Variants in SLC9B1 observed in about 807,000 individuals in gnomAD.
SLC9B1 encodes the protein sodium/hydrogen exchanger 9B1.
SLC9B1 carries 32 observed loss-of-function variants against 51.7 expected under a neutral mutation model. That is an observed-to-expected ratio of 0.62 (90% CI 0.47 to 0.83). The LOEUF is 0.83. SLC9B1 is among the 40% of genes least tolerant of loss of function. SLC9B1 has a pLI of 0.00. For missense variants in SLC9B1, 406 were observed against 613.2 expected (o/e 0.66, Z 3.57); for synonymous variants, 145 against 212.7 (o/e 0.68, Z 2.77).
In SLC9B1 at chr4:102,887,701, G is replaced by A. The variant is rs560567283; in HGVS notation, c.1333-2373C>T. 9.4e-3 allele frequency: 2,593 copies of A among 275,696 alleles called. 5 individuals are homozygous for A. Among genetic ancestry groups the A allele is most frequent in the African/African-American group, 0.049 (2,194 of 45,066 alleles). The allele number at this position is 275,696 out of a possible 1,614,324, so 17.1% of individuals were successfully genotyped here. A position where few individuals can be genotyped will look rare whatever the true frequency, so the allele number is the denominator to read the frequency against. ...CCTAAATTGTGGCTATGGATCCAAAGCTGTTTGTTTCTTTGAATATCAATA... is the reference window on the plus strand; with the variant it reads ...CCTAAATTGTGGCTATGGATCCAAAACTGTTTGTTTCTTTGAATATCAATA... On this transcript the variant is annotated intron_variant, in intron 11 of 11. Coordinates refer to the SLC9B1 transcript ENST00000394789.
At chr4:102,945,896 A>T (rs1177860664) in intron 5 of SLC9B1, among the ~76,000 whole-genome samples, 1 of 151,978 alleles carries the variant, frequency 6.6e-6, no homozygotes, top group African/African-American at 2.4e-5. Flanking sequence ...ATGAATAGTC[A>T]TCTTCTTATA....
chr4:103,005,678 A>G (rs28808638), intron 1 of SLC9B1, among the ~76,000 whole-genome samples: 16,956 of 152,178 alleles, frequency 0.11, 1,030 homozygotes, highest in Admixed American at 0.16. Flanking sequence ...CACATGGCAC[A>G]TACTGTAAAT....
At chr4:102,939,454 C>T (rs973965489) in intron 6 of SLC9B1, among the ~76,000 whole-genome samples, 17 of 139,142 alleles carry the variant, frequency 1.2e-4, no homozygotes, top group African/African-American at 3.8e-4. Context: ...AACAGATTCA[C>T]AGACAAATTC....
At chr4:102,894,136 C>A (rs1478482533) in intron 11 of SLC9B1, among the ~76,000 whole-genome samples, 1 of 152,094 alleles carries the variant, frequency 6.6e-6, no homozygotes, top group African/African-American at 2.4e-5. Context: ...TCAATAAATG[C>A]TGAGAGGGCT....
intron 1 of SLC9B1, chr4:103,016,666 G>C (rs1741369634): frequency 6.7e-6 from 1 of 148,854 alleles, no homozygotes; most frequent in South Asian, 2.1e-4. Context: ...ATGTTGGTCA[G>C]GCTGGTCTGG....
intron 1 of SLC9B1, among the ~76,000 whole-genome samples, chr4:103,010,030 A>T (rs1741009623): frequency 6.6e-6 from 1 of 152,210 alleles, no homozygotes. Flanking sequence ...AAAATTCCTA[A>T]TAGTATTTAG....
chr4:102,972,593 C>A (rs2110500461), intron 3 of SLC9B1, among the ~76,000 whole-genome samples: 1 of 152,220 alleles, frequency 6.6e-6, no homozygotes, highest in South Asian at 2.1e-4. Flanking sequence ...AAAAGCAGAT[C>A]ATTTGTTACT....
chr4:102,998,753 T>C (rs1453394074), intron 1 of SLC9B1, among the ~76,000 whole-genome samples: 1 of 152,222 alleles, frequency 6.6e-6, no homozygotes, highest in African/African-American at 2.4e-5. Context: ...TCTACTGTAG[T>C]TTTCATTTCC....
chr4:102,889,196 G>GTTCT (rs879453931), intron 11 of SLC9B1: 32 of 152,144 alleles, frequency 2.1e-4, no homozygotes, highest in Non-Finnish European at 4.1e-4. Context: ...GTCCAAAATT[G>GTTCT]TTCTTTCCTC....
intron 3 of SLC9B1, among the ~76,000 whole-genome samples, chr4:102,978,568 C>T (rs1407357333): frequency 3.9e-5 from 6 of 152,162 alleles, no homozygotes; most frequent in Middle Eastern, 3.2e-3. Context: ...AAAAAATGCT[C>T]AATATCACTG....
At chr4:102,909,716 G>C (rs1387027448) in intron 9 of SLC9B1, among the ~76,000 whole-genome samples, 15 of 151,446 alleles carry the variant, frequency 9.9e-5, no homozygotes, top group African/African-American at 2.9e-4. Flanking sequence ...AAAAATGTAA[G>C]GGGGTTTGAT....
intron 8 of SLC9B1, 120 bp from the exon 9 acceptor site, chr4:102,910,708 T>C (rs1001390965): frequency 3.3e-5 from 15 of 458,130 alleles, no homozygotes; most frequent in African/African-American, 2.5e-4. Flanking sequence ...ATATTAAATG[T>C]CTAAAATTTT....
intron 11 of SLC9B1, chr4:102,887,580 T>C (rs1733995456): frequency 1.9e-6 from 1 of 523,684 alleles, no homozygotes; most frequent in African/African-American, 1.9e-5. Flanking sequence ...TTCAGTCACT[T>C]AATTAGAAAT....
intron 1 of SLC9B1, among the ~76,000 whole-genome samples, chr4:103,010,385 T>C (rs909573873): frequency 6.6e-6 from 1 of 152,166 alleles, no homozygotes; most frequent in Admixed American, 6.5e-5. Context: ...ACCTCACCCA[T>C]GTGGGCACAG....
chr4:102,947,068 C>A (rs1414464531), intron 4 of SLC9B1, among the ~76,000 whole-genome samples: 2 of 152,070 alleles, frequency 1.3e-5, no homozygotes, highest in Admixed American at 1.3e-4. Context: ...AGGTCTCCCC[C>A]CACTTTGGCA....
chr4:103,016,508 C>G (rs1480916524), intron 1 of SLC9B1, among the ~76,000 whole-genome samples: 1 of 151,962 alleles, frequency 6.6e-6, no homozygotes, highest in Non-Finnish European at 1.5e-5. Flanking sequence ...TTGTACTAGT[C>G]AAGGCATATA....
At chr4:102,929,807 C>G (rs1406450530) in intron 7 of SLC9B1, among the ~76,000 whole-genome samples, 1 of 152,206 alleles carries the variant, frequency 6.6e-6, no homozygotes, top group Non-Finnish European at 1.5e-5. Context: ...TAGGCGTGAG[C>G]CATTGGGCCC....
intron 3 of SLC9B1, among the ~76,000 whole-genome samples, chr4:102,983,151 T>C (rs1739441871): frequency 6.6e-6 from 1 of 152,182 alleles, no homozygotes; most frequent in Non-Finnish European, 1.5e-5. Context: ...TATGATCATG[T>C]GATTTTTCTT....
intron 11 of SLC9B1, among the ~76,000 whole-genome samples, chr4:102,903,766 G>C (rs180790031): frequency 6.6e-6 from 1 of 152,262 alleles, no homozygotes; most frequent in African/African-American, 2.4e-5. Flanking sequence ...AAAATTACAA[G>C]GTTTCCCTTT....
Sources: gnomAD v4.1 joint callset for allele counts (sites outside exome capture counted in the v4.1 genomes callset) on GRCh38, gnomAD v4.1.1 for gene constraint, MANE v1.5 for transcripts, NCBI Gene and HGNC (gene_info 2026-07-23, HGNC 2026-07-21) for gene names.